AGBL4: variants seen among roughly 807,000 people sequenced by gnomAD.
AGBL4 encodes AGBL carboxypeptidase 4.
A neutral mutation model predicts 66.4 loss-of-function variants in AGBL4; 58 were observed. The observed-to-expected ratio is 0.87, with a 90% confidence interval of 0.71 to 1.09. AGBL4 has a LOEUF of 1.09. Ranked by LOEUF, AGBL4 falls within the 50% of genes least tolerant of loss-of-function variation. The probability of loss-of-function intolerance (pLI) is 0.00; values close to 1 mark genes in which losing one functional copy is unlikely to be tolerated. For synonymous variants in AGBL4, 234 were observed against 222.9 expected, an observed-to-expected ratio of 1.05 and a Z score of -0.44; for missense variants, 579 against 631.0, an observed-to-expected ratio of 0.92 and a Z score of 0.88.
At chr1:49,916,747 C>A (rs572608157) in intron 1 of AGBL4, among the ~76,000 whole-genome samples, 2 of 152,274 alleles carry the variant, frequency 1.3e-5, no homozygotes, top group Non-Finnish European at 2.9e-5. Context: ...CACAAAGATA[C>A]TCCTTGAGAA....
At chr1:49,237,960 T>C (rs1650920275) in intron 4 of AGBL4, among the ~76,000 whole-genome samples, 1 of 152,080 alleles carries the variant, frequency 6.6e-6, no homozygotes, top group Non-Finnish European at 1.5e-5. Context: ...TTAATGGATA[T>C]TTTTGCTGGA....
intron 3 of AGBL4, among the ~76,000 whole-genome samples, chr1:49,494,151 A>C (rs1647313663): frequency 6.6e-6 from 1 of 151,982 alleles, no homozygotes. Flanking sequence ...TAACAATTAA[A>C]TTCACTGAAG....
chr1:49,406,560 T>C (rs988474373), intron 3 of AGBL4, among the ~76,000 whole-genome samples: 4 of 152,158 alleles, frequency 2.6e-5, no homozygotes, highest in African/African-American at 7.2e-5. Context: ...TATATTTTAG[T>C]AGTGTGATAA....
chr1:49,220,686 C>T (rs1175768532), intron 4 of AGBL4, among the ~76,000 whole-genome samples: 1 of 152,078 alleles, frequency 6.6e-6, no homozygotes, highest in Non-Finnish European at 1.5e-5. Context: ...AATCTCTTTA[C>T]TCTGCAGTTC....
At chr1:48,555,116 T>C (rs2148288952) in intron 11 of AGBL4, among the ~76,000 whole-genome samples, 1 of 151,908 alleles carries the variant, frequency 6.6e-6, no homozygotes, top group Non-Finnish European at 1.5e-5. Context: ...AAAAGTGGGA[T>C]TTAATATTGG....
At chr1:49,324,435 A>G (rs144051118) in intron 3 of AGBL4, among the ~76,000 whole-genome samples, 56 of 152,334 alleles carry the variant, frequency 3.7e-4, no homozygotes, top group African/African-American at 1.3e-3. Context: ...AAAACACACA[A>G]AATCAAAACT....
At chr1:49,203,814 A>G (rs1006378232) in intron 4 of AGBL4, among the ~76,000 whole-genome samples, 1 of 152,236 alleles carries the variant, frequency 6.6e-6, no homozygotes, top group African/African-American at 2.4e-5. Context: ...CAAAAAACAA[A>G]AAAAGAGTTT....
intron 3 of AGBL4, among the ~76,000 whole-genome samples, chr1:49,638,620 AGAGAAT>A (rs1394941934): frequency 1.3e-5 from 2 of 152,172 alleles, no homozygotes; most frequent in Non-Finnish European, 2.9e-5. Context: ...TTCTCCTGAT[AGAGAAT>A]AAGTCTTACA....
intron 6 of AGBL4, among the ~76,000 whole-genome samples, chr1:48,825,517 T>C (rs1293689524): frequency 1.3e-5 from 2 of 152,238 alleles, no homozygotes; most frequent in South Asian, 4.1e-4. Context: ...ACTTTCCACC[T>C]TCCCCCATGT....
chr1:49,609,837 G>A (rs905654469), intron 3 of AGBL4, among the ~76,000 whole-genome samples: 4 of 152,116 alleles, frequency 2.6e-5, no homozygotes, highest in African/African-American at 9.7e-5. Context: ...TATTTCATTT[G>A]TGAAATGAGA....
At chr1:49,790,491 A>T (rs558579232) in intron 2 of AGBL4, among the ~76,000 whole-genome samples, 1 of 152,330 alleles carries the variant, frequency 6.6e-6, no homozygotes, top group East Asian at 1.9e-4. Flanking sequence ...AAAATCTTAA[A>T]AGCACAGGGA....
intron 5 of AGBL4, among the ~76,000 whole-genome samples, chr1:48,880,596 G>T (rs1233747670): frequency 6.6e-6 from 1 of 152,114 alleles, no homozygotes; most frequent in Non-Finnish European, 1.5e-5. Flanking sequence ...GGGTAGAAGT[G>T]CTCCCTGTTC....
At chr1:49,691,330 T>A (rs1378126890) in intron 3 of AGBL4, 1 of 152,730 alleles carries the variant, frequency 6.5e-6, no homozygotes, top group Non-Finnish European at 1.5e-5. Flanking sequence ...AAGTGCACTA[T>A]CTTCCTCAAG....
At chr1:49,324,429 C>A (rs943340638) in intron 3 of AGBL4, among the ~76,000 whole-genome samples, 4 of 150,976 alleles carry the variant, frequency 2.6e-5, no homozygotes, top group African/African-American at 9.9e-5. Context: ...GAAAAAAAAA[C>A]ACACAAAATC....
At chr1:48,906,549 T>C (rs1652610362) in intron 5 of AGBL4, among the ~76,000 whole-genome samples, 3 of 152,130 alleles carry the variant, frequency 2.0e-5, no homozygotes, top group South Asian at 4.1e-4. Flanking sequence ...AGGTAGACTT[T>C]GGAGCTGAGA....
intron 3 of AGBL4, among the ~76,000 whole-genome samples, chr1:49,442,766 A>T (rs1481230620): frequency 6.6e-6 from 1 of 152,182 alleles, no homozygotes; most frequent in Non-Finnish European, 1.5e-5. Flanking sequence ...TTTTGGGTAG[A>T]TTCCCAGTAA....
At chr1:49,309,327 G>A (rs909149782) in intron 3 of AGBL4, among the ~76,000 whole-genome samples, 3 of 152,052 alleles carry the variant, frequency 2.0e-5, no homozygotes, top group Admixed American at 6.6e-5. Flanking sequence ...AATCACCCAG[G>A]AAGCCTATAA....
chr1:49,295,432 T>C (rs1165762095), intron 3 of AGBL4, among the ~76,000 whole-genome samples: 1 of 152,178 alleles, frequency 6.6e-6, no homozygotes, highest in Non-Finnish European at 1.5e-5. Context: ...TGAGGAAAAG[T>C]AAGATTTCCA....
intron 6 of AGBL4, chr1:48,817,801 T>C: frequency 2.1e-6 from 1 of 487,420 alleles, no homozygotes; most frequent in Non-Finnish European, 3.6e-6. Context: ...TCCTGATATG[T>C]CAGGAATAGA....
Sources: gnomAD v4.1 joint callset for allele counts (sites outside exome capture counted in the v4.1 genomes callset) on GRCh38, gnomAD v4.1.1 for gene constraint, MANE v1.5 for transcripts, NCBI Gene and HGNC (gene_info 2026-07-23, HGNC 2026-07-21) for gene names.